The following CTDSPL2 variants were observed in gnomAD, a reference collection of about 807,000 sequenced individuals.
The protein encoded by CTDSPL2 is CTD small phosphatase-like protein 2.
In CTDSPL2, 5 loss-of-function variants were observed where a neutral mutation model predicts 60.0. That is an observed-to-expected ratio of 0.08 (90% CI 0.04 to 0.18). The LOEUF is 0.18. Ranked by LOEUF, CTDSPL2 falls within the 10% of genes least tolerant of loss-of-function variation. The pLI, the probability that CTDSPL2 is intolerant of heterozygous loss-of-function variation, is 1.00. For synonymous variants in CTDSPL2, 186 were observed against 189.3 expected, an observed-to-expected ratio of 0.98 and a Z score of 0.14; for missense variants, 370 against 548.8, an observed-to-expected ratio of 0.67 and a Z score of 3.26.
intron 1 of CTDSPL2, among the ~76,000 whole-genome samples, chr15:44,456,052 G>A (rs1358647536): frequency 6.6e-6 from 1 of 151,032 alleles, no homozygotes; most frequent in Admixed American, 6.6e-5. Context: ...GGGTTTCACC[G>A]TGTTAGCCAG....
At chr15:44,436,648 A>C (rs2079987304) in intron 1 of CTDSPL2, among the ~76,000 whole-genome samples, 1 of 152,232 alleles carries the variant, frequency 6.6e-6, no homozygotes, top group Non-Finnish European at 1.5e-5. Context: ...TCTGGAGGTC[A>C]TTCCTTTAGT....
In CTDSPL2 at chr15:44,472,200, G is replaced by A. The variant is rs1347145531; in HGVS notation, c.187-12024G>A. On this transcript the variant is annotated intron_variant, in intron 2 of 12. Transcript: ENST00000260327. ...ATGGACATCTGTTTTCCGTTGTCTT[G>A]GGTAAGAGCTTGAATTGCTGGGTTA... 3.3e-5 allele frequency among the ~76,000 whole-genome samples: 5 copies of A among 152,108 alleles called. No homozygotes were observed. The East Asian group carries it at 9.6e-4, about 29-fold the overall frequency.
intron 2 of CTDSPL2, among the ~76,000 whole-genome samples, chr15:44,466,117 A>G (rs1334167865): frequency 6.6e-6 from 1 of 151,816 alleles, no homozygotes; most frequent in Non-Finnish European, 1.5e-5. Context: ...TTATATTTTT[A>G]GTAGAGACGG....
In CTDSPL2 at chr15:44,484,350, C is replaced by A; in HGVS notation, c.313C>A (p.Gln105Lys). ...KQISRVRRKS[Q>K]VNGEAGSYEM... Reference sequence around the variant, plus strand: ...GATATCTCGAGTAAGACGGAAAAGTCAAGTAAATGGAGGTTTGTTAATATT... The same window carrying A: ...GATATCTCGAGTAAGACGGAAAAGTAAAGTAAATGGAGGTTTGTTAATATT... The change falls in exon 3 of 13, where the codon CAA becomes AAA. Residue 105 changes from glutamine (Q) to lysine (K), a missense_variant. By Grantham distance (53) the Gln-to-Lys change is moderately conservative. Around this residue, in one of 6 missense-constraint regions of CTDSPL2, gnomAD observed 287 missense variants for 296.1 expected, o/e 0.97. Transcript: ENST00000260327. The A allele has an allele frequency of 6.2e-7, 1 of 1,613,194 alleles. No individual in the cohort carries two copies. The highest frequency in any genetic ancestry group is 1.1e-5 in the South Asian group (1 of 91,010).
At chr15:44,440,071 G>A (rs1309390216) in intron 1 of CTDSPL2, among the ~76,000 whole-genome samples, 1 of 152,134 alleles carries the variant, frequency 6.6e-6, no homozygotes, top group Non-Finnish European at 1.5e-5. Flanking sequence ...AGAAATTAAT[G>A]GATATGGGGC....
In CTDSPL2 at chr15:44,475,494, C is replaced by T. The variant is rs970862041; in HGVS notation, c.187-8730C>T. ...TCTCTACTAAAAATACAAAAATTAGCTGGGTGTGGTGGTGGGCACCTGTAA... is the reference window on the plus strand; with the variant it reads ...TCTCTACTAAAAATACAAAAATTAGTTGGGTGTGGTGGTGGGCACCTGTAA... On this transcript the variant is annotated intron_variant, in intron 2 of 12. Coordinates refer to ENST00000260327, the MANE Select transcript of CTDSPL2 (RefSeq NM_016396.3). 2.6e-5 allele frequency among the ~76,000 whole-genome samples: 4 copies of T among 151,982 alleles called. No homozygotes were observed. In the East Asian group the frequency reaches 7.7e-4, roughly 29 times the overall value.
At position 44,503,427 on chromosome 15, in the gene CTDSPL2, C is replaced by G. The variant is rs374391250; in HGVS notation, c.969+3614C>G. ...AAGAGGTCTCCACTGTATTTAGTTT[C>G]TGTTCCTGCAGATCCACCAATTCAA... On this transcript the variant is annotated intron_variant, in intron 8 of 12. Coordinates refer to ENST00000260327, the MANE Select transcript of CTDSPL2 (RefSeq NM_016396.3). 7.9e-5 allele frequency: 12 copies of G among 152,260 alleles called. No individual in the cohort carries two copies. In the East Asian group the frequency reaches 1.9e-3, roughly 24 times the overall value. The allele number at this position is 152,260 out of a possible 1,614,324, so 9.4% of individuals were successfully genotyped here. A position where few individuals can be genotyped will look rare whatever the true frequency, so the allele number is the denominator to read the frequency against.
intron 8 of CTDSPL2, among the ~76,000 whole-genome samples, chr15:44,508,656 C>T (rs1323015017): frequency 6.6e-6 from 1 of 152,198 alleles, no homozygotes; most frequent in African/African-American, 2.4e-5. Context: ...GGCGCTGTGG[C>T]TAGCCCCTGT....
chr15:44,481,099 G>C (rs539165845), intron 2 of CTDSPL2, among the ~76,000 whole-genome samples: 12 of 152,258 alleles, frequency 7.9e-5, no homozygotes, highest in African/African-American at 2.4e-4. Context: ...ACTTTGGGAG[G>C]CTGAGGCAGG....
At chr15:44,471,444 G>A (rs906207522) in intron 2 of CTDSPL2, among the ~76,000 whole-genome samples, 1 of 152,054 alleles carries the variant, frequency 6.6e-6, no homozygotes, top group Admixed American at 6.6e-5. Flanking sequence ...GATATAAAAA[G>A]CTGTACTTAA....
intron 5 of CTDSPL2, among the ~76,000 whole-genome samples, chr15:44,491,486 T>C (rs900474653): frequency 6.6e-6 from 1 of 152,164 alleles, no homozygotes; most frequent in African/African-American, 2.4e-5. Flanking sequence ...AACATAATTA[T>C]TGGGTTTCGG....
intron 2 of CTDSPL2, 128 bp from the exon 3 acceptor site, chr15:44,484,096 C>G: frequency 1.3e-6 from 1 of 782,326 alleles, no homozygotes; most frequent in Non-Finnish European, 2.0e-6. Flanking sequence ...CCTATAATTG[C>G]ATTTTGTTTT....
intron 11 of CTDSPL2, 193 bp from the exon 12 acceptor site, chr15:44,521,118 T>C (rs1450987366): frequency 3.0e-6 from 1 of 328,998 alleles, no homozygotes; most frequent in African/African-American, 2.2e-5. Context: ...GAAAAACCAA[T>C]AGGCTTCAAT....
At chr15:44,514,911 C>A in intron 10 of CTDSPL2, 67 bp downstream of exon 10, 2 of 961,032 alleles carry the variant, frequency 2.1e-6, no homozygotes, top group East Asian at 2.4e-5. Flanking sequence ...GATTCTATTT[C>A]ATTTTAATGG....
At position 44,526,998 on chromosome 15, in the gene CTDSPL2, T is replaced by C. The variant is rs2081886349; in HGVS notation, c.*2824T>C. 1 of 148,040 alleles carries C rather than the reference T, an allele frequency of 6.8e-6. No individual in the cohort carries two copies. Among genetic ancestry groups the C allele is most frequent in the Non-Finnish European group, 1.5e-5 (1 of 67,958 alleles). 9.2% of individuals were successfully genotyped at this position (148,040 alleles called of 1,614,324 possible). The stretch of plus-strand genomic sequence containing the variant: ...TCATTGTTAGGATGTTTTAATCAGT[T>C]GTTTTTTAATTCCATGTAATATATG... On this transcript the variant is annotated 3_prime_UTR_variant, in exon 13 of 13. Coordinates refer to ENST00000260327, the MANE Select transcript of CTDSPL2 (RefSeq NM_016396.3).
rs1234582136 is a variant in CTDSPL2, at chr15:44,526,287, C to T, written c.*2113C>T. Reference sequence around the variant, plus strand: ...AAACTTAAAAGATCTGAACTTTCAGCATGCATTCTGATTGCTGAAAGATTT... The same window carrying T: ...AAACTTAAAAGATCTGAACTTTCAGTATGCATTCTGATTGCTGAAAGATTT... On this transcript the variant is annotated 3_prime_UTR_variant, in exon 13 of 13. Coordinates refer to ENST00000260327, the MANE Select transcript of CTDSPL2 (RefSeq NM_016396.3). 1.3e-5 allele frequency: 2 copies of T among 152,150 alleles called. No individual in the cohort carries two copies. The highest frequency in any genetic ancestry group is 3.8e-4 in the East Asian group (2 of 5,202). 9.4% of individuals were successfully genotyped at this position (152,150 alleles called of 1,614,324 possible). A position where few individuals can be genotyped will look rare whatever the true frequency, so the allele number is the denominator to read the frequency against.
At chr15:44,519,623 C>A (rs1408869154) in intron 11 of CTDSPL2, 2 of 180,238 alleles carry the variant, frequency 1.1e-5, no homozygotes, top group African/African-American at 2.4e-5. Flanking sequence ...AGTTTATGTT[C>A]TTCTGGTCTG....
intron 1 of CTDSPL2, among the ~76,000 whole-genome samples, chr15:44,452,744 G>A (rs1367122261): frequency 6.6e-6 from 1 of 152,046 alleles, no homozygotes; most frequent in Non-Finnish European, 1.5e-5. Flanking sequence ...TTTAGGAGGT[G>A]TGAATTGGCA....
Position 44,526,216 on chromosome 15 carries a change from A to C in CTDSPL2, c.*2042A>C, listed in dbSNP as rs2081870172. On this transcript the variant is annotated 3_prime_UTR_variant, in exon 13 of 13. Transcript: ENST00000260327. ...TGCTCAAAATTGTGAACCTAGTTAC[A>C]TTTCTCCCTGCTCCCTTCCTTTTTA... The C allele has an allele frequency of 1.3e-5, 2 of 152,094 alleles. 1 individual carries two copies. Among genetic ancestry groups the C allele is most frequent in the Admixed American group, 1.3e-4 (2 of 15,256 alleles). 9.4% of individuals were successfully genotyped at this position (152,094 alleles called of 1,614,324 possible).
Sources: allele counts gnomAD v4.1 joint callset (sites outside exome capture counted in the v4.1 genomes callset), GRCh38; gene constraint gnomAD v4.1.1; regional missense constraint gnomAD v4.1.1; transcripts MANE v1.5; gene names NCBI Gene and HGNC (gene_info 2026-07-23, HGNC 2026-07-21).